Variants in YTHDF2 observed in about 807,000 individuals in gnomAD.
YTHDF2 encodes YTH domain-containing family protein 2.
Under a neutral mutation model 50.4 loss-of-function variants are expected in YTHDF2, and 2 were observed. The observed-to-expected ratio is 0.04, with a 90% confidence interval of 0.02 to 0.12. YTHDF2 has a LOEUF of 0.12. Among genes scored for constraint, YTHDF2 ranks in the 10% least tolerant of loss-of-function variants. The pLI, the probability that YTHDF2 is intolerant of heterozygous loss-of-function variation, is 1.00. For synonymous variants in YTHDF2, 217 were observed against 255.6 expected (o/e 0.85, Z 1.44); for missense variants, 483 against 722.6 (o/e 0.67, Z 3.80).
At chr1:28,761,995 GACTT>G (rs2088142515) in intron 4 of YTHDF2, among the ~76,000 whole-genome samples, 1 of 152,092 alleles carries the variant, frequency 6.6e-6, no homozygotes, top group Non-Finnish European at 1.5e-5. Context: ...CAAGTCATTA[GACTT>G]ATTTAACTTA....
At chr1:28,758,755 C>T (rs2088070787) in intron 4 of YTHDF2, among the ~76,000 whole-genome samples, 2 of 152,160 alleles carry the variant, frequency 1.3e-5, no homozygotes, top group East Asian at 1.9e-4. Flanking sequence ...TAGACAAGTT[C>T]TTGGCTAATT....
chr1:28,762,119 G>A (rs999212773), intron 4 of YTHDF2, among the ~76,000 whole-genome samples: 4 of 152,004 alleles, frequency 2.6e-5, no homozygotes, highest in African/African-American at 4.8e-5. Flanking sequence ...CTAGCCGGGC[G>A]TGGTGGCTCA....
intron 4 of YTHDF2, among the ~76,000 whole-genome samples, chr1:28,759,067 C>T (rs1174090905): frequency 2.0e-5 from 3 of 152,202 alleles, no homozygotes; most frequent in Admixed American, 2.0e-4. Flanking sequence ...AAAGTACCCT[C>T]TGAGAGTTCT....
rs149455127 is a variant in YTHDF2 at position 28,753,480 on chromosome 1, C to T, written c.1716+9494C>T. 4.4e-3 allele frequency among the ~76,000 whole-genome samples: 653 copies of T among 148,866 alleles called. 6 individuals carry two copies. The highest frequency in any genetic ancestry group is 0.015 in the African/African-American group (627 of 40,676). ...GGAGGATTGCTTGAGCCCGGGACGT[C>T]AAGTCTGCAGTGAGTCATGATGGTA... On this transcript the variant is annotated intron_variant, in intron 4 of 4. Coordinates refer to ENST00000373812, the MANE Select transcript of YTHDF2 (RefSeq NM_016258.3).
In YTHDF2 at chr1:28,769,180, G is replaced by A. The variant is rs2088267905; in HGVS notation, c.*228G>A. 2.8e-6 allele frequency: 1 copy of A among 359,340 alleles called. No individual in the cohort carries two copies. Among genetic ancestry groups the A allele is most frequent in the Non-Finnish European group, 5.1e-6 (1 of 198,002 alleles). 22.3% of individuals were successfully genotyped at this position (359,340 alleles called of 1,614,324 possible). A position where few individuals can be genotyped will look rare whatever the true frequency, so the allele number is the denominator to read the frequency against. ...ACAAAAAATCCCTCTAGGTAGTTTAGGTGAAAAATGTCCCTTTTATTTTGG... is the reference window on the plus strand; with the variant it reads ...ACAAAAAATCCCTCTAGGTAGTTTAAGTGAAAAATGTCCCTTTTATTTTGG... On this transcript the variant is annotated 3_prime_UTR_variant, in exon 5 of 5. Coordinates refer to ENST00000373812, the MANE Select transcript of YTHDF2 (RefSeq NM_016258.3).
chr1:28,753,782 C>A (rs1408303446), intron 4 of YTHDF2, among the ~76,000 whole-genome samples: 2 of 151,090 alleles, frequency 1.3e-5, no homozygotes, highest in Non-Finnish European at 2.9e-5. Flanking sequence ...TCTTGGCTCG[C>A]TGCAGCCTCC....
intron 4 of YTHDF2, among the ~76,000 whole-genome samples, chr1:28,767,609 C>T (rs555825379): frequency 1.1e-3 from 168 of 152,096 alleles, no homozygotes; most frequent in Non-Finnish European, 1.7e-3. Flanking sequence ...TCCGGGTTCA[C>T]GCCATTCTCC....
chr1:28,745,459 C>A (rs952465123), intron 4 of YTHDF2, among the ~76,000 whole-genome samples: 1 of 152,188 alleles, frequency 6.6e-6, no homozygotes, highest in South Asian at 2.1e-4. Flanking sequence ...TTAAGCCTGG[C>A]GTCATGGCTC....
chr1:28,749,166 C>T lies in YTHDF2; in HGVS notation c.1716+5180C>T, dbSNP rs920377086. On this transcript the variant is annotated intron_variant, in intron 4 of 4. Transcript: ENST00000373812. ...TCTAGAAGAAGGCAACAGTTAAGAGCCTTTCTTTCTTCCTTTTTTTTTTTT... is the reference window on the plus strand; with the variant it reads ...TCTAGAAGAAGGCAACAGTTAAGAGTCTTTCTTTCTTCCTTTTTTTTTTTT... Among the ~76,000 whole-genome samples, 3 of 140,742 alleles carry T rather than the reference C, an allele frequency of 2.1e-5. No individual in the cohort carries two copies. The Admixed American group carries it at 2.1e-4, about 10-fold the overall frequency. 92.3% of individuals were successfully genotyped at this position (140,742 alleles called of 152,430 possible). A position where few individuals can be genotyped will look rare whatever the true frequency, so the allele number is the denominator to read the frequency against.
chr1:28,749,986 GT>G (rs371730633), intron 4 of YTHDF2, among the ~76,000 whole-genome samples: 61 of 78,330 alleles, frequency 7.8e-4, no homozygotes, highest in African/African-American at 3.2e-3. Flanking sequence ...AAAAAAGGTT[GT>G]TTTTTTTTTT....
chr1:28,737,683 G>GT lies in YTHDF2; in HGVS notation c.52+2dup. On this transcript the variant is annotated splice_donor_variant, in intron 2 of 4. Coordinates refer to ENST00000373812, the MANE Select transcript of YTHDF2 (RefSeq NM_016258.3). LOFTEE classifies it high-confidence loss of function. ...AGACCAAAAGGTCAAGGAAACAAAGGTAAGTCCCGCTCCGCCGGTGGCCCT... is the reference window on the plus strand; with the variant it reads ...AGACCAAAAGGTCAAGGAAACAAAGGTTAAGTCCCGCTCCGCCGGTGGCCCT... 1 of 1,612,818 alleles carries GT rather than the reference G, an allele frequency of 6.2e-7. No individual in the cohort carries two copies. Among genetic ancestry groups the GT allele is most frequent in the Non-Finnish European group, 8.5e-7 (1 of 1,179,388 alleles).
At chr1:28,750,709 C>G (rs1351141933) in intron 4 of YTHDF2, among the ~76,000 whole-genome samples, 1 of 151,998 alleles carries the variant, frequency 6.6e-6, no homozygotes, top group Non-Finnish European at 1.5e-5. Context: ...AATTTTGATA[C>G]AAATTAAGTA....
chr1:28,741,986 A>C (rs1215743002), intron 3 of YTHDF2, among the ~76,000 whole-genome samples: 1 of 151,840 alleles, frequency 6.6e-6, no homozygotes, highest in Admixed American at 6.6e-5. Context: ...ATTACACCAA[A>C]ATTTCTTATG....
At chr1:28,751,317 T>A (rs571020391) in intron 4 of YTHDF2, among the ~76,000 whole-genome samples, 1 of 152,160 alleles carries the variant, frequency 6.6e-6, no homozygotes, top group East Asian at 1.9e-4. Flanking sequence ...GCTAAATATA[T>A]TAAATCCTTA....
At chr1:28,754,046 A>G (rs986893023) in intron 4 of YTHDF2, among the ~76,000 whole-genome samples, 2 of 152,104 alleles carry the variant, frequency 1.3e-5, no homozygotes, top group African/African-American at 4.8e-5. Flanking sequence ...TTTGGTTGTA[A>G]GGGAGGGTAG....
intron 4 of YTHDF2, among the ~76,000 whole-genome samples, chr1:28,759,473 A>G (rs2088083052): frequency 6.6e-6 from 1 of 152,162 alleles, no homozygotes; most frequent in African/African-American, 2.4e-5. Context: ...TTGTCCTGCA[A>G]ACATAGTGTA....
upstream of YTHDF2, chr1:28,736,840 C>A (rs958580427): frequency 3.1e-5 from 12 of 384,656 alleles, no homozygotes; most frequent in Non-Finnish European, 5.1e-5. Context: ...GCGCTCGCGC[C>A]GCGCGCGCCG....
chr1:28,752,888 T>A (rs573711122), intron 4 of YTHDF2, among the ~76,000 whole-genome samples: 246 of 150,984 alleles, frequency 1.6e-3, no homozygotes, highest in Non-Finnish European at 2.7e-3. Context: ...ACAAAAAATT[T>A]AAAAAAAATT....
At chr1:28,759,693 C>T (rs538522276) in intron 4 of YTHDF2, among the ~76,000 whole-genome samples, 8 of 152,136 alleles carry the variant, frequency 5.3e-5, no homozygotes, top group Non-Finnish European at 1.0e-4. Flanking sequence ...CGGTGGTGCA[C>T]GCCTGTAATC....
Sources: gnomAD v4.1 joint callset for allele counts (sites outside exome capture counted in the v4.1 genomes callset) on GRCh38, gnomAD v4.1.1 for gene constraint, MANE v1.5 for transcripts, NCBI Gene and HGNC (gene_info 2026-07-23, HGNC 2026-07-21) for gene names.